The following ARHGEF7 variants were observed in gnomAD, a reference collection of about 807,000 sequenced individuals.
ARHGEF7 encodes the protein Rho guanine nucleotide exchange factor 7, also known as PAK-interacting exchange factor beta.
Under a neutral mutation model 109.8 loss-of-function variants are expected in ARHGEF7, and 33 were observed. The ratio of observed to expected loss-of-function variants is 0.30; its 90% CI spans 0.23 to 0.40. The LOEUF is 0.40. Among genes scored for constraint, ARHGEF7 ranks in the 10% least tolerant of loss-of-function variants. The probability of loss-of-function intolerance (pLI) is 1.00; values close to 1 mark genes in which losing one functional copy is unlikely to be tolerated. For synonymous variants in ARHGEF7, 458 were observed against 424.6 expected (o/e 1.08, Z -0.97); for missense variants, 938 against 1,098.5 (o/e 0.85, Z 2.07).
rs562702515 is a variant in ARHGEF7, at chr13:111,298,400, G to C, written c.2312-2348G>C. Reference sequence around the variant, plus strand: ...TTTCCTTCCTAAGCAGTATCTTCCCGTGTGGCCCACGTGTCTCAGCAGCAT... The same window carrying C: ...TTTCCTTCCTAAGCAGTATCTTCCCCTGTGGCCCACGTGTCTCAGCAGCAT... On this transcript the variant is annotated intron_variant, in intron 19 of 21. Coordinates refer to ENST00000646102, the MANE Select transcript of ARHGEF7 (RefSeq NM_001354046.2). Among the ~76,000 whole-genome samples the C allele has an allele frequency of 2.0e-5, 3 of 152,188 alleles. No individual in the cohort carries two copies. In the South Asian group the frequency reaches 6.2e-4, roughly 32 times the overall value.
chr13:111,265,783 T>C, intron 8 of ARHGEF7: 1 of 453,344 alleles, frequency 2.2e-6, no homozygotes. Context: ...GTAACAGCTG[T>C]GAGGGAGCTG....
intron 8 of ARHGEF7, among the ~76,000 whole-genome samples, chr13:111,250,877 G>A (rs1253549222): frequency 2.6e-5 from 4 of 152,198 alleles, no homozygotes; most frequent in Non-Finnish European, 5.9e-5. Flanking sequence ...GGTAAGGGAT[G>A]GGAGCAGAGT....
chr13:111,288,436 C>T lies in ARHGEF7; in HGVS notation c.2127C>T (p.Leu709=), dbSNP rs755875926. ...YCTSAKTRQT[L]NSTWQGTDLM... ...CCAGCGCCAAAACAAGGCAAACACTCAATTCAAGTAAGTTTAGCAATAAGG... is the reference window on the plus strand; with the variant it reads ...CCAGCGCCAAAACAAGGCAAACACTTAATTCAAGTAAGTTTAGCAATAAGG... Residue 709 remains leucine (L), a synonymous_variant, in exon 18 of 22, where the codon CTC becomes CTT. Coordinates refer to ENST00000646102, the MANE Select transcript of ARHGEF7 (RefSeq NM_001354046.2). 55 of 1,611,492 alleles carry T rather than the reference C, an allele frequency of 3.4e-5. No individual in the cohort carries two copies. In the Middle Eastern group the frequency reaches 1.2e-3, roughly 34 times the overall value.
chr13:111,177,987 G>A (rs536960844), intron 2 of ARHGEF7, among the ~76,000 whole-genome samples: 2 of 152,268 alleles, frequency 1.3e-5, no homozygotes, highest in East Asian at 1.9e-4. Context: ...TTCTCCATGC[G>A]CAGGGAATTC....
intron 19 of ARHGEF7, chr13:111,294,221 GA>G (rs2093370252): frequency 1.0e-6 from 1 of 985,320 alleles, no homozygotes; most frequent in Admixed American, 6.2e-5. Context: ...AGTGGATTTA[GA>G]AGCGATTTTG....
At chr13:111,201,418 TG>T (rs1427635542) in intron 2 of ARHGEF7, among the ~76,000 whole-genome samples, 13 of 152,306 alleles carry the variant, frequency 8.5e-5, no homozygotes, top group Non-Finnish European at 1.5e-5. Flanking sequence ...ACATACTCTA[TG>T]AGAATAGAGT....
At chr13:111,200,471 A>G (rs2081092069) in intron 2 of ARHGEF7, among the ~76,000 whole-genome samples, 1 of 147,448 alleles carries the variant, frequency 6.8e-6, no homozygotes, top group African/African-American at 2.5e-5. Context: ...TTTTTTGACA[A>G]TACACTGTGT....
chr13:111,172,024 C>T (rs1485052664), intron 2 of ARHGEF7, among the ~76,000 whole-genome samples: 2 of 152,172 alleles, frequency 1.3e-5, no homozygotes, highest in African/African-American at 2.4e-5. Context: ...TTATGAGCCG[C>T]CCAGGTTATG....
At chr13:111,245,862 G>A (rs1325637039) in intron 8 of ARHGEF7, among the ~76,000 whole-genome samples, 1 of 152,302 alleles carries the variant, frequency 6.6e-6, no homozygotes, top group East Asian at 1.9e-4. Context: ...ACCATCAAGC[G>A]AGAAATACGC....
intron 1 of ARHGEF7, among the ~76,000 whole-genome samples, chr13:111,149,464 T>C (rs2075784068): frequency 6.6e-6 from 1 of 152,248 alleles, no homozygotes; most frequent in Non-Finnish European, 1.5e-5. Flanking sequence ...GTGGTAGTTA[T>C]GTTCTAGAAA....
chr13:111,222,390 T>C (rs955724852), intron 5 of ARHGEF7, among the ~76,000 whole-genome samples: 1 of 152,202 alleles, frequency 6.6e-6, no homozygotes, highest in East Asian at 1.9e-4. Flanking sequence ...AAGCATATTG[T>C]ATGGAAAGTC....
chr13:111,260,561 A>G (rs999916467), intron 8 of ARHGEF7, among the ~76,000 whole-genome samples: 1 of 152,270 alleles, frequency 6.6e-6, no homozygotes, highest in Non-Finnish European at 1.5e-5. Context: ...TTCCCAAACA[A>G]AAGTTGAGGG....
At chr13:111,204,732 G>A (rs920575893) in intron 2 of ARHGEF7, among the ~76,000 whole-genome samples, 11 of 152,202 alleles carry the variant, frequency 7.2e-5, no homozygotes, top group African/African-American at 2.7e-4. Context: ...AGCTCTGAGG[G>A]TGGTGGTCTC....
intron 5 of ARHGEF7, among the ~76,000 whole-genome samples, chr13:111,219,495 A>G (rs1293979945): frequency 6.6e-6 from 1 of 152,154 alleles, no homozygotes; most frequent in Non-Finnish European, 1.5e-5. Flanking sequence ...TCTTTTCTGT[A>G]TATACCCAGA....
chr13:111,233,611 T>G (rs2086399637), intron 6 of ARHGEF7, among the ~76,000 whole-genome samples: 1 of 152,242 alleles, frequency 6.6e-6, no homozygotes, highest in Non-Finnish European at 1.5e-5. Context: ...ATAATGTGAT[T>G]TGAAAATTTT....
At chr13:111,125,680 T>C (rs1161543206) in intron 1 of ARHGEF7, among the ~76,000 whole-genome samples, 1 of 152,256 alleles carries the variant, frequency 6.6e-6, no homozygotes, top group Admixed American at 6.5e-5. Flanking sequence ...CAATTCTGAG[T>C]GTCTCACTAC....
Position 111,129,154 on chromosome 13 carries a change from C to A in ARHGEF7, c.165+13463C>A, listed in dbSNP as rs1025882753. Among the ~76,000 whole-genome samples the A allele has an allele frequency of 9.2e-5, 14 of 152,244 alleles. No individual in the cohort carries two copies. The East Asian group carries it at 1.7e-3, about 19-fold the overall frequency. ...TAAATGATACTGGAACAAGTAGATA[C>A]CCATATTTTTAAAGATGAACTTTGA... is the stretch of plus-strand genomic sequence containing the variant. On this transcript the variant is annotated intron_variant, in intron 1 of 21. Transcript: ENST00000646102.
chr13:111,254,232 A>T (rs1409499439), intron 8 of ARHGEF7, among the ~76,000 whole-genome samples: 1 of 152,258 alleles, frequency 6.6e-6, no homozygotes, highest in Non-Finnish European at 1.5e-5. Flanking sequence ...CATTCTCAGC[A>T]TATTTGTTGT....
At chr13:111,222,233 C>T (rs990541996) in intron 5 of ARHGEF7, among the ~76,000 whole-genome samples, 3 of 152,114 alleles carry the variant, frequency 2.0e-5, no homozygotes, top group African/African-American at 7.2e-5. Context: ...ACCTAAGTAA[C>T]TTTGGAAAAT....
Sources: gnomAD v4.1 joint callset for allele counts (sites outside exome capture counted in the v4.1 genomes callset) on GRCh38, gnomAD v4.1.1 for gene constraint, MANE v1.5 for transcripts, NCBI Gene and HGNC (gene_info 2026-07-23, HGNC 2026-07-21) for gene names.